Variants in LARGE1 observed in about 807,000 individuals in gnomAD.
LARGE1 encodes LARGE xylosyl- and glucuronyltransferase 1, also known as xylosyl- and glucuronyltransferase LARGE1.
A neutral mutation model predicts 87.6 loss-of-function variants in LARGE1; 43 were observed. The observed-to-expected ratio is 0.49, with a 90% CI of 0.38 to 0.63. The LOEUF is 0.63. LARGE1 is among the 30% of genes least tolerant of loss of function. LARGE1 has a pLI of 0.00. For missense variants in LARGE1, 802 were observed against 1,000.2 expected, an observed-to-expected ratio of 0.80 and a Z score of 2.67; for synonymous variants, 434 against 394.6, an observed-to-expected ratio of 1.10 and a Z score of -1.18.
intron 13 of LARGE1, among the ~76,000 whole-genome samples, chr22:33,277,723 G>T (rs536821712): frequency 1.3e-5 from 2 of 152,316 alleles, no homozygotes; most frequent in East Asian, 3.9e-4. Flanking sequence ...AGAATTGTGA[G>T]AGAATAAATT....
At chr22:33,476,941 C>T (rs925840888) in intron 6 of LARGE1, among the ~76,000 whole-genome samples, 3 of 152,186 alleles carry the variant, frequency 2.0e-5, no homozygotes, top group African/African-American at 4.8e-5. Flanking sequence ...TGCGATTCTT[C>T]GGCTCGGTGA....
At chr22:33,591,113 A>C (rs1315745209) in intron 5 of LARGE1, among the ~76,000 whole-genome samples, 1 of 152,222 alleles carries the variant, frequency 6.6e-6, no homozygotes, top group Admixed American at 6.5e-5. Context: ...AGGCAGAAGA[A>C]TCGCTTGAAC....
At chr22:33,463,038 G>A (rs1239540580) in intron 6 of LARGE1, among the ~76,000 whole-genome samples, 1 of 152,036 alleles carries the variant, frequency 6.6e-6, no homozygotes. Flanking sequence ...AAATTAGAAT[G>A]AGAAATAAAA....
chr22:33,131,428 T>C, the LARGE1 span, among the ~76,000 whole-genome samples: 3 of 152,252 alleles, frequency 2.0e-5, no homozygotes, highest in East Asian at 3.9e-4. Context: ...ATTCTCTCCC[T>C]AGCCTCCTGT....
chr22:33,592,224 C>A (rs1458712427), intron 5 of LARGE1, among the ~76,000 whole-genome samples: 2 of 149,836 alleles, frequency 1.3e-5, no homozygotes, highest in Non-Finnish European at 3.0e-5. Context: ...TGTTAAGATT[C>A]ATTTCAAGTT....
At chr22:33,499,658 G>A (rs2070333612) in intron 6 of LARGE1, among the ~76,000 whole-genome samples, 1 of 145,228 alleles carries the variant, frequency 6.9e-6, no homozygotes, top group South Asian at 2.2e-4. Flanking sequence ...ACTCAATATG[G>A]TAGAGATTTT....
intron 3 of LARGE1, among the ~76,000 whole-genome samples, chr22:33,631,128 C>T (rs897268315): frequency 3.3e-5 from 5 of 151,602 alleles, no homozygotes; most frequent in African/African-American, 1.2e-4. Context: ...GCTGGGATTA[C>T]AGGCATGAGC....
At chr22:33,620,835 T>C (rs2079726914) in intron 4 of LARGE1, among the ~76,000 whole-genome samples, 2 of 152,060 alleles carry the variant, frequency 1.3e-5, no homozygotes, top group Admixed American at 1.3e-4. Context: ...GAGAATTGCT[T>C]GAACCCAGGA....
chr22:33,341,042 A>G (rs1407860714), intron 9 of LARGE1, among the ~76,000 whole-genome samples: 6 of 148,770 alleles, frequency 4.0e-5, no homozygotes, highest in Non-Finnish European at 8.8e-5. Flanking sequence ...TATCAAATGT[A>G]ATGGACTATC....
intron 6 of LARGE1, among the ~76,000 whole-genome samples, chr22:33,549,411 C>G (rs769201186): frequency 4.6e-5 from 7 of 152,172 alleles, no homozygotes; most frequent in Non-Finnish European, 1.5e-5. Context: ...CTTGTAATTT[C>G]GAGGGAAGAC....
intron 2 of LARGE1, among the ~76,000 whole-genome samples, chr22:33,713,808 T>G (rs1365366479): frequency 6.6e-6 from 1 of 151,896 alleles, no homozygotes. Flanking sequence ...AATTTAATAT[T>G]AGCCAGCTAT....
the LARGE1 span, among the ~76,000 whole-genome samples, chr22:33,139,806 T>C: frequency 6.6e-6 from 1 of 152,230 alleles, no homozygotes; most frequent in African/African-American, 2.4e-5. Context: ...CCCCATGCTC[T>C]TTTCCAAAGC....
the LARGE1 span, among the ~76,000 whole-genome samples, chr22:33,138,703 G>C: frequency 0.54 from 82,760 of 151,988 alleles, 22,633 homozygotes; most frequent in South Asian, 0.75. Context: ...CTCGGCCTCC[G>C]AAACTGCTGG....
intron 6 of LARGE1, among the ~76,000 whole-genome samples, chr22:33,446,845 G>A (rs978445114): frequency 2.6e-5 from 4 of 152,196 alleles, no homozygotes; most frequent in African/African-American, 7.2e-5. Flanking sequence ...GGAGTTGAGT[G>A]ACACGGCAGT....
chr22:33,282,197 T>G (rs1410838848), intron 13 of LARGE1, among the ~76,000 whole-genome samples: 1 of 151,996 alleles, frequency 6.6e-6, no homozygotes, highest in African/African-American at 2.4e-5. Flanking sequence ...AATACAAAAT[T>G]TGCCGGGCAT....
At chr22:33,483,526 G>A (rs1205154725) in intron 6 of LARGE1, among the ~76,000 whole-genome samples, 1 of 152,150 alleles carries the variant, frequency 6.6e-6, no homozygotes, top group Non-Finnish European at 1.5e-5. Context: ...CAAGGGCAGT[G>A]AAGAGGCAGG....
At chr22:33,911,512 T>C (rs1395106608) in intron 1 of LARGE1, among the ~76,000 whole-genome samples, 1 of 152,108 alleles carries the variant, frequency 6.6e-6, no homozygotes, top group East Asian at 1.9e-4. Flanking sequence ...GTCCACTTCA[T>C]CCTCCTGACA....
At chr22:33,891,009 C>T (rs2064990138) in intron 1 of LARGE1, among the ~76,000 whole-genome samples, 1 of 149,248 alleles carries the variant, frequency 6.7e-6, no homozygotes, top group Non-Finnish European at 1.5e-5. Flanking sequence ...CCCTGGGCTC[C>T]ATATGGTTCT....
chr22:33,381,755 A>G (rs1483409430), intron 9 of LARGE1, among the ~76,000 whole-genome samples, 164 bp downstream of exon 9: 1 of 152,152 alleles, frequency 6.6e-6, no homozygotes, highest in East Asian at 1.9e-4. Flanking sequence ...AAGGGTGGAA[A>G]AAAACCAACA....
Sources: allele counts gnomAD v4.1 joint callset (sites outside exome capture counted in the v4.1 genomes callset), GRCh38; gene constraint gnomAD v4.1.1; transcripts MANE v1.5; gene names NCBI Gene and HGNC (gene_info 2026-07-23, HGNC 2026-07-21).